Variants in PPARGC1A observed in about 807,000 individuals in gnomAD.
PPARGC1A encodes PPARG coactivator 1 alpha, also known as peroxisome proliferator-activated receptor gamma coactivator 1-alpha.
PPARGC1A carries 25 observed loss-of-function variants against 88.7 expected under a neutral mutation model. The observed-to-expected ratio is 0.28, with a 90% confidence interval of 0.21 to 0.39. The LOEUF is 0.39. PPARGC1A is among the 10% of genes least tolerant of loss of function. The pLI, the probability that PPARGC1A is intolerant of heterozygous loss-of-function variation, is 1.00. For synonymous variants in PPARGC1A, 363 were observed against 355.6 expected, an observed-to-expected ratio of 1.02 and a Z score of -0.24; for missense variants, 880 against 968.7, an observed-to-expected ratio of 0.91 and a Z score of 1.22.
chr4:24,439,324 G>A, the PPARGC1A span, among the ~76,000 whole-genome samples: 1 of 152,202 alleles, frequency 6.6e-6, no homozygotes, highest in South Asian at 2.1e-4. Flanking sequence ...TGGGGGCTTT[G>A]AATGAGTTCA....
the PPARGC1A span, among the ~76,000 whole-genome samples, chr4:24,009,150 A>AAAAAAAAGAGAGAG: frequency 6.3e-5 from 5 of 79,798 alleles, no homozygotes; most frequent in African/African-American, 1.2e-4. Flanking sequence ...AAAAAAAAAA[A>AAAAAAAAGAGAGAG]AGAGAGAGAA....
At chr4:24,200,045 G>T in the PPARGC1A span, among the ~76,000 whole-genome samples, 6 of 151,904 alleles carry the variant, frequency 3.9e-5, no homozygotes, top group Middle Eastern at 3.4e-3. Flanking sequence ...AGTTAAAATG[G>T]ATAAACTAGA....
the PPARGC1A span, among the ~76,000 whole-genome samples, chr4:23,910,343 A>ATAT: frequency 2.7e-4 from 16 of 58,870 alleles, no homozygotes; most frequent in South Asian, 2.5e-3. Context: ...TATATATATT[A>ATAT]TATATTATAT....
the PPARGC1A span, among the ~76,000 whole-genome samples, chr4:24,227,286 T>C: frequency 1.3e-5 from 2 of 152,122 alleles, no homozygotes; most frequent in Non-Finnish European, 2.9e-5. Context: ...AGGGTTTCAC[T>C]GTGTTGCCCA....
At chr4:23,919,541 A>T in the PPARGC1A span, among the ~76,000 whole-genome samples, 3 of 100,568 alleles carry the variant, frequency 3.0e-5, no homozygotes, top group African/African-American at 1.6e-4. Context: ...TAAAATGAGT[A>T]GTTCTTAAAA....
chr4:24,152,195 A>G, the PPARGC1A span, among the ~76,000 whole-genome samples: 1 of 152,220 alleles, frequency 6.6e-6, no homozygotes, highest in Non-Finnish European at 1.5e-5. Flanking sequence ...GAAGCTTTTC[A>G]TTAACCACAA....
intron 5 of PPARGC1A, among the ~76,000 whole-genome samples, chr4:23,824,906 C>T (rs891839695): frequency 4.6e-5 from 7 of 152,060 alleles, no homozygotes; most frequent in Admixed American, 3.3e-4. Flanking sequence ...GTTGATTTTA[C>T]TCCTAAAACG....
In PPARGC1A at chr4:23,810,889, TATTATA is replaced by T. The variant is rs535145614; in HGVS notation, c.2019+1852_2019+1857del. Among the ~76,000 whole-genome samples the T allele has an allele frequency of 1.4e-4, 22 of 152,352 alleles. No homozygotes were observed. The South Asian group carries it at 4.6e-3, about 32-fold the overall frequency. ...TATATGGCACTATATAAATGTGAGT[TATTATA>T]ATTATTGAATAGGCCATTAATTAAA... On this transcript the variant is annotated intron_variant, in intron 10 of 12. Coordinates refer to ENST00000264867, the MANE Select transcript of PPARGC1A (RefSeq NM_013261.5).
At chr4:24,081,642 G>C in the PPARGC1A span, among the ~76,000 whole-genome samples, 1 of 152,046 alleles carries the variant, frequency 6.6e-6, no homozygotes, top group Non-Finnish European at 1.5e-5. Context: ...AAAGTTTTCA[G>C]CTTGAAGTGC....
At chr4:23,892,732 G>A (rs1718036815), upstream of PPARGC1A, among the ~76,000 whole-genome samples, 1 of 151,844 alleles carries the variant, frequency 6.6e-6, no homozygotes, top group Non-Finnish European at 1.5e-5. Flanking sequence ...CCAAATATCT[G>A]GTTTCAGACA....
the PPARGC1A span, among the ~76,000 whole-genome samples, chr4:24,059,027 A>T: frequency 6.6e-6 from 1 of 152,218 alleles, no homozygotes; most frequent in African/African-American, 2.4e-5. Context: ...GCAGGAGTAG[A>T]ACTGAGGGTA....
chr4:24,359,707 G>T, the PPARGC1A span, among the ~76,000 whole-genome samples: 1 of 152,076 alleles, frequency 6.6e-6, no homozygotes, highest in Admixed American at 6.6e-5. Flanking sequence ...ACAGACACAG[G>T]GAGAACACCA....
the PPARGC1A span, among the ~76,000 whole-genome samples, chr4:24,178,526 C>A: frequency 1.3e-5 from 2 of 152,138 alleles, no homozygotes; most frequent in Non-Finnish European, 2.9e-5. Context: ...TCTTGTACAA[C>A]ATCACAGCAT....
chr4:23,803,996 A>G (rs1719267631), intron 10 of PPARGC1A, among the ~76,000 whole-genome samples: 1 of 152,172 alleles, frequency 6.6e-6, no homozygotes, highest in Non-Finnish European at 1.5e-5. Flanking sequence ...CAATTTGCAG[A>G]CCCTTTATCT....
chr4:23,807,599 CAAA>C (rs1560334028), intron 10 of PPARGC1A, among the ~76,000 whole-genome samples: 1 of 152,094 alleles, frequency 6.6e-6, no homozygotes, highest in Non-Finnish European at 1.5e-5. Context: ...ATTGATATAT[CAAA>C]AAACTGTACA....
intron 2 of PPARGC1A, chr4:23,883,313 C>T (rs1716298683): frequency 6.6e-6 from 1 of 152,224 alleles, no homozygotes; most frequent in South Asian, 2.1e-4. Context: ...ATAGGCAGAA[C>T]CTACAGCCGT....
chr4:23,932,719 C>G, the PPARGC1A span, among the ~76,000 whole-genome samples: 1 of 151,790 alleles, frequency 6.6e-6, no homozygotes, highest in Middle Eastern at 3.4e-3. Context: ...TCTTAGGAGG[C>G]AGAATTTCAT....
At chr4:24,137,990 A>C in the PPARGC1A span, among the ~76,000 whole-genome samples, 1 of 152,264 alleles carries the variant, frequency 6.6e-6, no homozygotes, top group South Asian at 2.1e-4. Context: ...AGATTTATGG[A>C]TTGTCATGCG....
chr4:24,252,890 G>A, the PPARGC1A span, among the ~76,000 whole-genome samples: 1 of 152,170 alleles, frequency 6.6e-6, no homozygotes, highest in East Asian at 1.9e-4. Context: ...AAAATCAAGT[G>A]TGTAGTTCTT....
Sources: allele counts gnomAD v4.1 joint callset (sites outside exome capture counted in the v4.1 genomes callset), GRCh38; gene constraint gnomAD v4.1.1; transcripts MANE v1.5; gene names NCBI Gene and HGNC (gene_info 2026-07-23, HGNC 2026-07-21).